RBMS3: variants seen among roughly 807,000 people sequenced by gnomAD.
RBMS3 encodes RNA-binding motif, single-stranded-interacting protein 3.
RBMS3 carries 27 observed loss-of-function variants against 66.8 expected under a neutral mutation model. The ratio of observed to expected loss-of-function variants is 0.40; its 90% CI spans 0.30 to 0.56. The LOEUF (loss-of-function observed/expected upper bound fraction) is 0.56, where lower values mean the gene tolerates loss of function less well. Ranked by LOEUF, RBMS3 falls within the 20% of genes least tolerant of loss-of-function variation. The pLI is 0.40. For missense variants in RBMS3, 513 were observed against 549.5 expected, an observed-to-expected ratio of 0.93 and a Z score of 0.66; for synonymous variants, 188 against 183.0, an observed-to-expected ratio of 1.03 and a Z score of -0.22.
intron 6 of RBMS3, among the ~76,000 whole-genome samples, chr3:29,826,070 C>T (rs147564286): frequency 4.5e-4 from 68 of 152,108 alleles, no homozygotes; most frequent in African/African-American, 1.5e-3. Flanking sequence ...TGGTATGAGT[C>T]GATAGGGTCA....
At chr3:29,922,493 CAAAAAAAAA>C (rs68121692) in intron 10 of RBMS3, among the ~76,000 whole-genome samples, 26 of 99,082 alleles carry the variant, frequency 2.6e-4, no homozygotes, top group African/African-American at 8.1e-4. Context: ...GACTCCGTCT[CAAAAAAAAA>C]AAAAAAAAAA....
At position 29,613,229 on chromosome 3, in the gene RBMS3, A is replaced by G. The variant is rs556656837; in HGVS notation, c.399+26024A>G. ...TGGTGAGATTGCCGGATCATATGTT[A>G]GTTCTGTTTTTAATTTTTTGAGGAA... On this transcript the variant is annotated intron_variant, in intron 4 of 14. Transcript: ENST00000383767. Among the ~76,000 whole-genome samples the G allele has an allele frequency of 2.5e-3, 387 of 152,198 alleles. 2 individuals are homozygous for G. The highest frequency in any genetic ancestry group is 4.0e-3 in the Non-Finnish European group (272 of 68,002).
chr3:29,505,912 G>A (rs79442580), intron 3 of RBMS3, among the ~76,000 whole-genome samples: 1 of 150,294 alleles, frequency 6.7e-6, no homozygotes, highest in East Asian at 2.0e-4. Context: ...TTACTATATT[G>A]TATGTTGATT....
chr3:29,457,121 T>G (rs2042217711), intron 2 of RBMS3, among the ~76,000 whole-genome samples: 1 of 152,290 alleles, frequency 6.6e-6, no homozygotes, highest in African/African-American at 2.4e-5. Context: ...CAGGTTTGAC[T>G]CACTCAAATC....
At chr3:29,552,591 A>G (rs2046213066) in intron 3 of RBMS3, among the ~76,000 whole-genome samples, 1 of 152,180 alleles carries the variant, frequency 6.6e-6, no homozygotes, top group Admixed American at 6.5e-5. Flanking sequence ...CAAAAAGTGA[A>G]TAGCAGTAGT....
chr3:29,946,569 G>A (rs1201602045), intron 12 of RBMS3, among the ~76,000 whole-genome samples: 1 of 151,730 alleles, frequency 6.6e-6, no homozygotes, highest in Non-Finnish European at 1.5e-5. Context: ...AACATTAATA[G>A]CAACATTTAT....
chr3:29,321,024 A>T (rs968309812), intron 1 of RBMS3, among the ~76,000 whole-genome samples: 8 of 152,066 alleles, frequency 5.3e-5, no homozygotes, highest in African/African-American at 1.9e-4. Flanking sequence ...TTGAGTTAAG[A>T]TATCATATAC....
chr3:29,905,687 C>A (rs1577110573), intron 10 of RBMS3, among the ~76,000 whole-genome samples: 1 of 151,964 alleles, frequency 6.6e-6, no homozygotes, highest in African/African-American at 2.4e-5. Flanking sequence ...CTTCCCTGGG[C>A]CACATTGGAA....
chr3:29,419,342 T>C (rs2040608870), intron 1 of RBMS3, among the ~76,000 whole-genome samples: 1 of 152,236 alleles, frequency 6.6e-6, no homozygotes, highest in Non-Finnish European at 1.5e-5. Context: ...CTTTAAAATA[T>C]TTTCTCATAA....
intron 2 of RBMS3, among the ~76,000 whole-genome samples, chr3:29,484,714 A>G (rs1272898046): frequency 6.6e-6 from 1 of 152,200 alleles, no homozygotes; most frequent in African/African-American, 2.4e-5. Context: ...CATCAGAGAG[A>G]TAGCCCTACA....
intron 6 of RBMS3, among the ~76,000 whole-genome samples, chr3:29,865,551 CA>C (rs1320168295): frequency 6.6e-6 from 1 of 152,084 alleles, no homozygotes; most frequent in Admixed American, 6.5e-5. Flanking sequence ...GTTTTAAGAA[CA>C]AAATAAGCAA....
intron 1 of RBMS3, among the ~76,000 whole-genome samples, chr3:29,316,083 A>G (rs2034656874): frequency 1.3e-5 from 2 of 151,694 alleles, no homozygotes; most frequent in African/African-American, 4.8e-5. Context: ...TCTAAGAACC[A>G]GTAAAAAATA....
chr3:29,317,650 G>A (rs1469363609), intron 1 of RBMS3, among the ~76,000 whole-genome samples: 3 of 151,742 alleles, frequency 2.0e-5, no homozygotes, highest in African/African-American at 7.3e-5. Flanking sequence ...ATTAAAAAAT[G>A]TGAAAGAAAT....
chr3:29,386,610 A>G (rs2039020539), intron 1 of RBMS3, among the ~76,000 whole-genome samples: 1 of 152,082 alleles, frequency 6.6e-6, no homozygotes, highest in Admixed American at 6.6e-5. Context: ...AACATCAGTT[A>G]TGTTTTTCCT....
At chr3:29,860,652 G>T (rs2059189634) in intron 6 of RBMS3, among the ~76,000 whole-genome samples, 1 of 152,108 alleles carries the variant, frequency 6.6e-6, no homozygotes, top group Admixed American at 6.5e-5. Flanking sequence ...TGACCACTTT[G>T]CCAGGAGCAA....
At chr3:29,911,762 G>T (rs1207035804) in intron 10 of RBMS3, among the ~76,000 whole-genome samples, 1 of 151,910 alleles carries the variant, frequency 6.6e-6, no homozygotes, top group East Asian at 1.9e-4. Flanking sequence ...GAGATTCTAA[G>T]AAAAAATACC....
chr3:29,920,853 CAAAA>C (rs10576471), intron 10 of RBMS3, among the ~76,000 whole-genome samples: 4,669 of 98,028 alleles, frequency 0.048, 80 homozygotes, highest in South Asian at 0.059. Context: ...CACGTGGTCT[CAAAA>C]AAAAAAAAAA....
chr3:29,405,006 T>C (rs1191678241), intron 1 of RBMS3, among the ~76,000 whole-genome samples: 1 of 152,124 alleles, frequency 6.6e-6, no homozygotes, highest in Non-Finnish European at 1.5e-5. Flanking sequence ...GAAGAAAACA[T>C]TTATCTAGAG....
intron 2 of RBMS3, among the ~76,000 whole-genome samples, chr3:29,459,667 C>T (rs2042306795): frequency 6.6e-6 from 1 of 152,100 alleles, no homozygotes; most frequent in South Asian, 2.1e-4. Flanking sequence ...CCATGAGGAC[C>T]CTAGAGGTGA....
Sources: allele counts gnomAD v4.1 joint callset (sites outside exome capture counted in the v4.1 genomes callset), GRCh38; gene constraint gnomAD v4.1.1; transcripts MANE v1.5; gene names NCBI Gene and HGNC (gene_info 2026-07-23, HGNC 2026-07-21).